Variants in ITSN1 observed in about 807,000 individuals in gnomAD.
The protein encoded by ITSN1 is intersectin-1.
In ITSN1, 58 loss-of-function variants were observed where a neutral mutation model predicts 239.8. The observed-to-expected ratio is 0.24, with a 90% CI of 0.20 to 0.30. The LOEUF (loss-of-function observed/expected upper bound fraction) is 0.30. Ranked by LOEUF, ITSN1 falls within the 10% of genes least tolerant of loss-of-function variation. The pLI, the probability that ITSN1 is intolerant of heterozygous loss-of-function variation, is 1.00. For missense variants in ITSN1, 1,558 were observed against 2,103.3 expected, an observed-to-expected ratio of 0.74 and a Z score of 5.07; for synonymous variants, 780 against 770.8, an observed-to-expected ratio of 1.01 and a Z score of -0.20.
rs1569357150 is a variant in ITSN1 at position 33,895,079 on chromosome 21, G to GTGT, written c.*6781_*6782insTTG. ...GGGCCTGGCAGAGACCGAAGGCTGGGTGGGAAGGAAGCTCGCGGCGAGCCT... is the reference window on the plus strand; with the variant it reads ...GGGCCTGGCAGAGACCGAAGGCTGGGTGTTGGGAAGGAAGCTCGCGGCGAGCCT... On this transcript the variant is annotated 3_prime_UTR_variant, in exon 40 of 40. Coordinates refer to ENST00000381318, the MANE Select transcript of ITSN1 (RefSeq NM_003024.3). The GTGT allele has an allele frequency of 6.6e-6, 1 of 152,372 alleles. No homozygotes were observed. Among genetic ancestry groups the GTGT allele is most frequent in the Non-Finnish European group, 1.5e-5 (1 of 68,176 alleles). The allele number at this position is 152,372 out of a possible 1,614,324, so 9.4% of individuals were successfully genotyped here.
At chr21:33,828,663 C>T (rs1160206145) in intron 26 of ITSN1, among the ~76,000 whole-genome samples, 1 of 151,858 alleles carries the variant, frequency 6.6e-6, no homozygotes. Flanking sequence ...TCCTTCTTTT[C>T]TCCTTTCGTT....
chr21:33,669,428 CTT>C (rs570740922), intron 1 of ITSN1, among the ~76,000 whole-genome samples: 19 of 148,430 alleles, frequency 1.3e-4, no homozygotes, highest in Non-Finnish European at 2.4e-4. Flanking sequence ...TGTGCCAATA[CTT>C]TTTTCATTTA....
chr21:33,859,219 T>C (rs1979991495), intron 31 of ITSN1, among the ~76,000 whole-genome samples: 1 of 152,204 alleles, frequency 6.6e-6, no homozygotes, highest in Non-Finnish European at 1.5e-5. Context: ...AACTGTTCAC[T>C]GCCTAACATC....
At chr21:33,699,711 C>T (rs1331609175) in intron 1 of ITSN1, among the ~76,000 whole-genome samples, 1 of 152,104 alleles carries the variant, frequency 6.6e-6, no homozygotes, top group East Asian at 1.9e-4. Flanking sequence ...AGAGCCAGGT[C>T]CTATCTCAAA....
intron 1 of ITSN1, among the ~76,000 whole-genome samples, chr21:33,654,573 CCTT>C (rs2088868384): frequency 1.3e-5 from 2 of 152,126 alleles, no homozygotes; most frequent in Non-Finnish European, 1.5e-5. Context: ...CTTCCTACCT[CCTT>C]CTCTACACAA....
chr21:33,732,176 G>A (rs925855304), intron 4 of ITSN1, among the ~76,000 whole-genome samples: 4 of 152,280 alleles, frequency 2.6e-5, no homozygotes, highest in East Asian at 1.9e-4. Flanking sequence ...TTTGTCATGC[G>A]GGTGAAGCCT....
intron 18 of ITSN1, among the ~76,000 whole-genome samples, chr21:33,798,251 C>T (rs1202369046): frequency 6.6e-6 from 1 of 151,102 alleles, no homozygotes; most frequent in Non-Finnish European, 1.5e-5. Flanking sequence ...GCATGCACCA[C>T]CATGCCCAGC....
At chr21:33,719,440 C>CTAAA (rs1408605761) in intron 2 of ITSN1, among the ~76,000 whole-genome samples, 15 of 152,178 alleles carry the variant, frequency 9.9e-5, no homozygotes, top group South Asian at 2.1e-4. Context: ...GACTCCATCT[C>CTAAA]TAAATAAACA....
chr21:33,868,349 T>G (rs1370538011), intron 33 of ITSN1, among the ~76,000 whole-genome samples: 2 of 152,342 alleles, frequency 1.3e-5, no homozygotes, highest in Middle Eastern at 3.4e-3. Context: ...TCGATGGGAC[T>G]GGGCGCCGTG....
At chr21:33,833,913 G>T (rs2148391005) in intron 27 of ITSN1, among the ~76,000 whole-genome samples, 1 of 149,938 alleles carries the variant, frequency 6.7e-6, no homozygotes, top group Non-Finnish European at 1.5e-5. Context: ...TGTATTGGTG[G>T]CCATTATTAT....
At chr21:33,759,653 A>G (rs375800182) in intron 8 of ITSN1, among the ~76,000 whole-genome samples, 63 of 152,326 alleles carry the variant, frequency 4.1e-4, no homozygotes, top group African/African-American at 1.5e-3. Flanking sequence ...TGAATTCAGT[A>G]GATTGTTTTT....
intron 5 of ITSN1, among the ~76,000 whole-genome samples, chr21:33,749,125 C>G (rs1174968062): frequency 6.6e-6 from 1 of 151,658 alleles, no homozygotes; most frequent in African/African-American, 2.4e-5. Context: ...TGTAGCTAGG[C>G]CTACAGGCGG....
intron 1 of ITSN1, among the ~76,000 whole-genome samples, chr21:33,649,999 A>C (rs976786001): frequency 8.0e-5 from 12 of 150,618 alleles, no homozygotes; most frequent in Non-Finnish European, 1.6e-4. Flanking sequence ...ATTACACTCC[A>C]GCCTTGGCGA....
At chr21:33,768,438 G>A (rs183546966) in intron 11 of ITSN1, among the ~76,000 whole-genome samples, 3 of 152,008 alleles carry the variant, frequency 2.0e-5, no homozygotes, top group East Asian at 1.9e-4. Context: ...CATGCACCAC[G>A]CCCGGCTAAT....
At chr21:33,837,436 A>G in intron 29 of ITSN1, 1 of 986,834 alleles carries the variant, frequency 1.0e-6, no homozygotes, top group Non-Finnish European at 1.2e-6. Flanking sequence ...GTGCTATTAA[A>G]AATTGTTCCA....
chr21:33,652,076 A>G (rs1430909111), intron 1 of ITSN1, among the ~76,000 whole-genome samples: 2 of 151,380 alleles, frequency 1.3e-5, no homozygotes, highest in Non-Finnish European at 2.9e-5. Flanking sequence ...CCATCCAGTG[A>G]TAATGACTGT....
At chr21:33,693,000 T>C (rs957044022) in intron 1 of ITSN1, among the ~76,000 whole-genome samples, 2 of 152,136 alleles carry the variant, frequency 1.3e-5, no homozygotes, top group Admixed American at 1.3e-4. Flanking sequence ...TTTCGCCATA[T>C]TGGCCAGGCT....
rs955845964 is a variant in ITSN1, at chr21:33,733,730, G to T, written c.186-1314G>T. On this transcript the variant is annotated intron_variant, in intron 4 of 39. Coordinates refer to ENST00000381318, the MANE Select transcript of ITSN1 (RefSeq NM_003024.3). ...AGAAAAATGATGCTCAGGTTCACAA[G>T]TAGTGAGAAGAATTCAGATTCTGAA... Among the ~76,000 whole-genome samples, 137 of 152,256 alleles carry T rather than the reference G, an allele frequency of 9.0e-4. 2 individuals carry two copies. Among genetic ancestry groups the T allele is most frequent in the Non-Finnish European group, 2.1e-4 (14 of 68,004 alleles).
Position 33,863,584 on chromosome 21 carries a change from C to T in ITSN1, c.3891-1567C>T, listed in dbSNP as rs553472586. 2.6e-3 allele frequency among the ~76,000 whole-genome samples: 397 copies of T among 152,294 alleles called. 1 individual carries two copies. Among genetic ancestry groups the T allele is most frequent in the Non-Finnish European group, 4.2e-3 (287 of 68,006 alleles). Reference sequence around the variant, plus strand: ...GGTGGAGGTTGTAGAGCTGGGATTGCACCACTGCACTCCAGCCTGGGCTAC... The same window carrying T: ...GGTGGAGGTTGTAGAGCTGGGATTGTACCACTGCACTCCAGCCTGGGCTAC... On this transcript the variant is annotated intron_variant, in intron 31 of 39. Coordinates refer to ENST00000381318, the MANE Select transcript of ITSN1 (RefSeq NM_003024.3).
Sources: allele counts gnomAD v4.1 joint callset (sites outside exome capture counted in the v4.1 genomes callset), GRCh38; gene constraint gnomAD v4.1.1; transcripts MANE v1.5; gene names NCBI Gene and HGNC (gene_info 2026-07-23, HGNC 2026-07-21).